CDC73: variants seen among roughly 807,000 people sequenced by gnomAD.
The protein encoded by CDC73 is parafibromin.
CDC73 carries 21 observed loss-of-function variants against 83.7 expected under a neutral mutation model. That is an observed-to-expected ratio of 0.25 (90% CI 0.18 to 0.36). CDC73 has a LOEUF of 0.36. Ranked by LOEUF, CDC73 falls within the 10% of genes least tolerant of loss-of-function variation. CDC73 has a pLI of 1.00. For missense variants in CDC73, 342 were observed against 653.3 expected (o/e 0.52, Z 5.19); for synonymous variants, 224 against 212.9 (o/e 1.05, Z -0.45).
chr1:193,222,595 C>T (rs982986237), intron 13 of CDC73, among the ~76,000 whole-genome samples: 9 of 152,022 alleles, frequency 5.9e-5, no homozygotes, highest in African/African-American at 1.2e-4. Flanking sequence ...AAATCTGTTC[C>T]GTGTGGTTAT....
chr1:193,247,122 C>A (rs977600751), intron 15 of CDC73, among the ~76,000 whole-genome samples: 1 of 152,164 alleles, frequency 6.6e-6, no homozygotes, highest in African/African-American at 2.4e-5. Flanking sequence ...TTTTTGTGAA[C>A]AAATTGGTTT....
At chr1:193,241,739 T>A (rs1173727657) in intron 15 of CDC73, among the ~76,000 whole-genome samples, 1 of 152,144 alleles carries the variant, frequency 6.6e-6, no homozygotes, top group Non-Finnish European at 1.5e-5. Flanking sequence ...CAGTGGAGGA[T>A]GTTGCAGGGC....
chr1:193,193,779 T>TTG (rs1676956909), intron 10 of CDC73, among the ~76,000 whole-genome samples: 1 of 104,994 alleles, frequency 9.5e-6, no homozygotes, highest in South Asian at 3.6e-4. Flanking sequence ...GTCTTACTTG[T>TTG]AGTGTGTGTG....
At chr1:193,212,220 A>C in intron 12 of CDC73, 120 bp downstream of exon 12, 2 of 907,982 alleles carry the variant, frequency 2.2e-6, no homozygotes, top group Non-Finnish European at 3.5e-6. Context: ...ATTCTGATTT[A>C]TTAGTGCCCA....
At chr1:193,180,122 T>C (rs1011923354) in intron 10 of CDC73, 4 of 562,082 alleles carry the variant, frequency 7.1e-6, no homozygotes, top group African/African-American at 3.9e-5. Context: ...TTTTTTGTTA[T>C]ATAATGTTAT....
intron 15 of CDC73, among the ~76,000 whole-genome samples, chr1:193,240,574 G>A (rs1316363453): frequency 3.3e-5 from 5 of 152,092 alleles, no homozygotes; most frequent in African/African-American, 1.2e-4. Flanking sequence ...ATATTTCATC[G>A]TGGTTTTGAT....
chr1:193,237,336 A>G (rs1357554260), intron 15 of CDC73, among the ~76,000 whole-genome samples: 1 of 152,200 alleles, frequency 6.6e-6, no homozygotes, highest in African/African-American at 2.4e-5. Flanking sequence ...TTAAAAAAAA[A>G]GAATTCTAAT....
intron 10 of CDC73, among the ~76,000 whole-genome samples, chr1:193,156,088 A>G (rs1309962699): frequency 1.3e-5 from 2 of 152,200 alleles, no homozygotes; most frequent in African/African-American, 4.8e-5. Flanking sequence ...ATGTCACTTG[A>G]TAAAGTTTAT....
At chr1:193,179,317 A>G (rs1676669998) in intron 10 of CDC73, 1 of 152,244 alleles carries the variant, frequency 6.6e-6, no homozygotes, top group African/African-American at 2.4e-5. Context: ...CGTATGTTGC[A>G]TTTTGGCAGA....
chr1:193,202,968 T>C (rs921895579), intron 10 of CDC73, among the ~76,000 whole-genome samples: 6 of 152,098 alleles, frequency 3.9e-5, no homozygotes, highest in African/African-American at 1.4e-4. Context: ...CCCTGATAAT[T>C]TGTCAAATTT....
chr1:193,233,250 G>A (rs1388846060), intron 14 of CDC73, 96 bp downstream of exon 14: 4 of 1,120,922 alleles, frequency 3.6e-6, no homozygotes, highest in African/African-American at 1.5e-5. Flanking sequence ...TTTAAGAGAT[G>A]GGGTCTCACT....
chr1:193,228,898 G>A (rs1216196497), intron 13 of CDC73, among the ~76,000 whole-genome samples: 2 of 152,038 alleles, frequency 1.3e-5, no homozygotes, highest in East Asian at 1.9e-4. Flanking sequence ...CAGAAAATTT[G>A]TATCTAGAAT....
At chr1:193,130,615 A>G (rs1022027493) in intron 3 of CDC73, among the ~76,000 whole-genome samples, 1 of 152,138 alleles carries the variant, frequency 6.6e-6, no homozygotes, top group African/African-American at 2.4e-5. Context: ...CTACTGCTTC[A>G]TTTATCTCCT....
At chr1:193,141,564 A>C (rs1675907166) in intron 6 of CDC73, among the ~76,000 whole-genome samples, 1 of 152,174 alleles carries the variant, frequency 6.6e-6, no homozygotes, top group Non-Finnish European at 1.5e-5. Flanking sequence ...CACCTATATT[A>C]ATGAGTCCTG....
At chr1:193,208,108 C>CAA (rs1478640269) in intron 11 of CDC73, among the ~76,000 whole-genome samples, 1 of 152,222 alleles carries the variant, frequency 6.6e-6, no homozygotes, top group African/African-American at 2.4e-5. Context: ...ACACCACAAT[C>CAA]AACTTTGTTT....
intron 10 of CDC73, among the ~76,000 whole-genome samples, chr1:193,164,839 A>G (rs1054435163): frequency 1.3e-5 from 2 of 152,128 alleles, no homozygotes; most frequent in African/African-American, 4.8e-5. Context: ...ATTCCATTCT[A>G]TTTGATTTGT....
Position 193,251,159 on chromosome 1 carries a change from A to G in CDC73, c.*447A>G, listed in dbSNP as rs749503658. 6 of 246,440 alleles carry G rather than the reference A, an allele frequency of 2.4e-5. No homozygotes were observed. The highest frequency in any genetic ancestry group is 4.0e-5 in the Non-Finnish European group (5 of 125,516). The allele number at this position is 246,440 out of a possible 1,614,324, so 15.3% of individuals were successfully genotyped here. On this transcript the variant is annotated 3_prime_UTR_variant, in exon 17 of 17. Coordinates refer to ENST00000367435, the MANE Select transcript of CDC73 (RefSeq NM_024529.5). ...CAAAACCAAGCAAAGGGATGTGACT[A>G]TTTTGAATGAATCAGAATGTCAACT...
At chr1:193,248,560 A>G (rs115845186) in intron 15 of CDC73, among the ~76,000 whole-genome samples, 15 of 152,226 alleles carry the variant, frequency 9.9e-5, no homozygotes, top group Non-Finnish European at 1.9e-4. Flanking sequence ...GGAACAGTAA[A>G]TTGAAACTTT....
At chr1:193,210,883 AAG>A (rs1677266129) in intron 11 of CDC73, among the ~76,000 whole-genome samples, 2 of 152,096 alleles carry the variant, frequency 1.3e-5, no homozygotes, top group African/African-American at 4.8e-5. Flanking sequence ...TTTTAAAAGA[AAG>A]AAAAAAAAAT....
Sources: gnomAD v4.1 joint callset for allele counts (sites outside exome capture counted in the v4.1 genomes callset) on GRCh38, gnomAD v4.1.1 for gene constraint, MANE v1.5 for transcripts, NCBI Gene and HGNC (gene_info 2026-07-23, HGNC 2026-07-21) for gene names.